Variants in UNC13C observed in about 807,000 individuals in gnomAD.
The protein encoded by UNC13C is protein unc-13 homolog C.
A neutral mutation model predicts 245.4 loss-of-function variants in UNC13C; 174 were observed. The ratio of observed to expected loss-of-function variants is 0.71; its 90% CI spans 0.63 to 0.80. The LOEUF is 0.80. UNC13C is among the 30% of genes least tolerant of loss of function. The probability of loss-of-function intolerance (pLI) is 0.00; values close to 1 mark genes in which losing one functional copy is unlikely to be tolerated. For missense variants in UNC13C, 2,829 were observed against 2,602.9 expected (o/e 1.09, Z -1.89); for synonymous variants, 992 against 895.1 (o/e 1.11, Z -1.93).
At chr15:54,363,242 G>A (rs1292392565) in intron 17 of UNC13C, among the ~76,000 whole-genome samples, 2 of 152,158 alleles carry the variant, frequency 1.3e-5, no homozygotes, top group Non-Finnish European at 2.9e-5. Flanking sequence ...CCAAGTAGCT[G>A]GGATTATAGA....
chr15:54,436,346 A>G (rs1369814946), intron 19 of UNC13C, among the ~76,000 whole-genome samples: 2 of 152,058 alleles, frequency 1.3e-5, no homozygotes, highest in African/African-American at 4.8e-5. Flanking sequence ...TTCTGCTATA[A>G]AGACACATGC....
chr15:54,620,153 G>C (rs777666544), intron 30 of UNC13C, among the ~76,000 whole-genome samples: 6 of 152,118 alleles, frequency 3.9e-5, no homozygotes, highest in Non-Finnish European at 8.8e-5. Context: ...TCTAGTAAAT[G>C]TTTCCACCCA....
intron 1 of UNC13C, among the ~76,000 whole-genome samples, chr15:53,990,949 G>C (rs906757602): frequency 1.3e-5 from 2 of 152,030 alleles, no homozygotes; most frequent in Non-Finnish European, 2.9e-5. Flanking sequence ...TAATGACAGA[G>C]AACGAAGTTG....
chr15:54,589,203 G>A (rs2141251448), intron 30 of UNC13C, among the ~76,000 whole-genome samples: 1 of 148,506 alleles, frequency 6.7e-6, no homozygotes. Flanking sequence ...ATCGCATTGT[G>A]GTTTTGATTT....
chr15:54,258,935 C>A (rs183428205), intron 8 of UNC13C, among the ~76,000 whole-genome samples: 59 of 152,282 alleles, frequency 3.9e-4, no homozygotes, highest in Non-Finnish European at 7.1e-4. Context: ...GGCTTATAAA[C>A]AACATAAATT....
chr15:54,310,309 G>A (rs913662781), intron 13 of UNC13C, among the ~76,000 whole-genome samples: 6 of 151,880 alleles, frequency 4.0e-5, no homozygotes, highest in Non-Finnish European at 7.4e-5. Context: ...TACACATAAA[G>A]AGAGAACCCA....
chr15:53,873,923 T>TCTTCCTTCCTTCCTTCCTTCCTTC, the UNC13C span, among the ~76,000 whole-genome samples: 1 of 47,584 alleles, frequency 2.1e-5, no homozygotes, highest in East Asian at 1.2e-3. Flanking sequence ...TTCCTTCCTT[T>TCTTCCTTCCTTCCTTCCTTCCTTC]CTTCCTTCCT....
the UNC13C span, among the ~76,000 whole-genome samples, chr15:53,874,820 G>A: frequency 2.1e-4 from 32 of 152,142 alleles, no homozygotes; most frequent in African/African-American, 7.7e-4. Context: ...TCTTGGCTAG[G>A]CGCGGTGGCT....
At chr15:54,318,981 T>C (rs1324023569) in intron 13 of UNC13C, among the ~76,000 whole-genome samples, 3 of 151,798 alleles carry the variant, frequency 2.0e-5, no homozygotes, top group Non-Finnish European at 4.4e-5. Flanking sequence ...AATCTCAAGG[T>C]GGCAGCTAAA....
At chr15:54,055,154 C>T (rs1241643591) in intron 2 of UNC13C, among the ~76,000 whole-genome samples, 2 of 152,098 alleles carry the variant, frequency 1.3e-5, no homozygotes, top group East Asian at 3.8e-4. Context: ...CATGCAATGC[C>T]AAATAATTGA....
the UNC13C span, among the ~76,000 whole-genome samples, chr15:53,905,149 G>T: frequency 2.0e-5 from 3 of 151,910 alleles, no homozygotes; most frequent in Non-Finnish European, 2.9e-5. Context: ...CAGTATGAAG[G>T]TTCCTAAAAA....
chr15:53,951,775 A>G, the UNC13C span, among the ~76,000 whole-genome samples: 1 of 152,276 alleles, frequency 6.6e-6, no homozygotes, highest in Admixed American at 6.5e-5. Context: ...AATGGGTATC[A>G]CATCCTTTAT....
At chr15:54,430,348 A>G (rs1006725095) in intron 19 of UNC13C, among the ~76,000 whole-genome samples, 1 of 151,684 alleles carries the variant, frequency 6.6e-6, no homozygotes, top group Non-Finnish European at 1.5e-5. Context: ...CAGCTATTAA[A>G]ACTTTTGGAA....
intron 4 of UNC13C, among the ~76,000 whole-genome samples, chr15:54,157,784 G>A (rs2032812654): frequency 6.6e-6 from 1 of 152,152 alleles, no homozygotes; most frequent in African/African-American, 2.4e-5. Flanking sequence ...AGAGCCCTCA[G>A]AAATAATACC....
rs1895611043 is a variant in UNC13C at position 54,015,526 on chromosome 15, G to A, written c.2623G>A (p.Glu875Lys). The A allele has an allele frequency of 6.2e-7, 1 of 1,613,240 alleles. No homozygotes were observed. Among genetic ancestry groups the A allele is most frequent in the Non-Finnish European group, 8.5e-7 (1 of 1,179,396 alleles). ...EDYTEPVADN[E>K]TDYVEVMEQV... Reference sequence around the variant, plus strand: ...TTATACTGAACCAGTGGCTGACAATGAAACAGATTATGTTGAAGTCATGGA... The same window carrying A: ...TTATACTGAACCAGTGGCTGACAATAAAACAGATTATGTTGAAGTCATGGA... Residue 875 changes from glutamate to lysine, a missense_variant, in exon 2 of 33, where the codon GAA (glutamate) becomes AAA (lysine). Physicochemically the swap from Glu to Lys is moderately conservative, Grantham distance 56. Transcript: ENST00000260323.
chr15:53,970,221 C>T, the UNC13C span, among the ~76,000 whole-genome samples: 8 of 152,040 alleles, frequency 5.3e-5, no homozygotes, highest in Non-Finnish European at 1.0e-4. Flanking sequence ...AGGCATGCAC[C>T]GCCACTCCTG....
intron 10 of UNC13C, among the ~76,000 whole-genome samples, chr15:54,268,940 A>G (rs1335009384): frequency 6.6e-6 from 1 of 151,346 alleles, no homozygotes; most frequent in African/African-American, 2.4e-5. Context: ...TTTATTTTTG[A>G]TATTATGCCC....
intron 4 of UNC13C, among the ~76,000 whole-genome samples, chr15:54,172,402 T>C (rs1050750537): frequency 1.7e-4 from 26 of 151,784 alleles, no homozygotes; most frequent in Non-Finnish European, 3.7e-4. Flanking sequence ...ACACACAATT[T>C]TTTAAATTGC....
At chr15:54,558,085 C>T (rs548157671) in intron 29 of UNC13C, among the ~76,000 whole-genome samples, 61 of 151,996 alleles carry the variant, frequency 4.0e-4, no homozygotes, top group African/African-American at 1.2e-3. Flanking sequence ...GGGAACATCA[C>T]GCTCTGGGGA....
Sources: gnomAD v4.1 joint callset for allele counts (sites outside exome capture counted in the v4.1 genomes callset) on GRCh38, gnomAD v4.1.1 for gene constraint, MANE v1.5 for transcripts, NCBI Gene and HGNC (gene_info 2026-07-23, HGNC 2026-07-21) for gene names.